DPH1: variants seen among roughly 807,000 people sequenced by gnomAD.
The protein encoded by DPH1 is diphthamide biosynthesis 1, also known as 2-(3-amino-3-carboxypropyl)histidine synthase subunit 1.
In DPH1, 59 loss-of-function variants were observed where a neutral mutation model predicts 55.3. That is an observed-to-expected ratio of 1.07 (90% confidence interval 0.87 to 1.33). The LOEUF (loss-of-function observed/expected upper bound fraction) is 1.33, where lower values mean the gene tolerates loss of function less well. Ranked by LOEUF, DPH1 falls within the 40% of genes most tolerant of loss-of-function variation. The pLI, the probability that DPH1 is intolerant of heterozygous loss-of-function variation, is 0.00. For missense variants in DPH1, 628 were observed against 584.8 expected, an observed-to-expected ratio of 1.07 and a Z score of -0.76; for synonymous variants, 238 against 235.5, an observed-to-expected ratio of 1.01 and a Z score of -0.10.
rs1234129406 is a variant in DPH1 at position 2,036,391 on chromosome 17, G to A, written c.401-138G>A. On this transcript the variant is annotated intron_variant, in intron 4 of 12. Coordinates refer to ENST00000263083, the MANE Select transcript of DPH1 (RefSeq NM_001383.6). This position sits in a 1 kb window ranked among gnomAD's most constrained non-coding sequence, Gnocchi z 4.8. ...GAGAAGGAGCTTCTAGGGGATCTGT[G>A]ACCCCCCTCTTCTCCTACCCTGTCC... 8.3e-7 allele frequency: 1 copy of A among 1,201,520 alleles called. No individual in the cohort carries two copies. The highest frequency in any genetic ancestry group is 1.5e-5 in the African/African-American group (1 of 65,622). The allele number at this position is 1,201,520 out of a possible 1,614,324, so 74.4% of individuals were successfully genotyped here.
Position 2,036,186 on chromosome 17 carries a change from T to C in DPH1, c.400+95T>C, listed in dbSNP as rs1189031491. 2.6e-6 allele frequency: 4 copies of C among 1,534,884 alleles called. No individual in the cohort carries two copies. Among genetic ancestry groups the C allele is most frequent in the Non-Finnish European group, 3.5e-6 (4 of 1,139,222 alleles). On this transcript the variant is annotated intron_variant, in intron 4 of 12. Transcript: ENST00000263083. This position sits in a 1 kb window ranked among gnomAD's most constrained non-coding sequence, Gnocchi z 4.8. Reference sequence around the variant, plus strand: ...CCATGGCAGTGCCTTCTTGTCCTGCTTGGAGACACAAGGTCCCTCCTGGTT... The same window carrying C: ...CCATGGCAGTGCCTTCTTGTCCTGCCTGGAGACACAAGGTCCCTCCTGGTT...
chr17:2,042,935 T>G lies in DPH1; in HGVS notation c.*349T>G. On this transcript the variant is annotated 3_prime_UTR_variant, in exon 13 of 13. Coordinates refer to ENST00000263083, the MANE Select transcript of DPH1 (RefSeq NM_001383.6). ...CAAAGGCCCTTGTCATTGCCTTCGC[T>G]CCATGTTTTTGGGGACACTGACAAA... 1 of 1,614,112 alleles carries G rather than the reference T, an allele frequency of 6.2e-7. No homozygotes were observed. Among genetic ancestry groups the G allele is most frequent in the South Asian group, 1.1e-5 (1 of 91,084 alleles).
At chr17:2,040,863 T>A in intron 9 of DPH1, 1 of 626,228 alleles carries the variant, frequency 1.6e-6, no homozygotes, top group Non-Finnish European at 2.8e-6. Context: ...AGGTACTAAA[T>A]GTGGTTCTGG....
At position 2,043,138 on chromosome 17, in the gene DPH1, C is replaced by A; in HGVS notation, c.*552C>A. 1 of 1,598,894 alleles carries A rather than the reference C, an allele frequency of 6.3e-7. No homozygotes were observed. Among genetic ancestry groups the A allele is most frequent in the Non-Finnish European group, 8.5e-7 (1 of 1,173,096 alleles). On this transcript the variant is annotated 3_prime_UTR_variant, in exon 13 of 13. Coordinates refer to ENST00000263083, the MANE Select transcript of DPH1 (RefSeq NM_001383.6). ...GAAATGTCTCTGCTCCTACATCCAG[C>A]TCCTCTAGGGGCAGCCTCCGTCATC...
At chr17:2,033,908 G>T in intron 3 of DPH1, 66 bp downstream of exon 3, 4 of 1,585,458 alleles carry the variant, frequency 2.5e-6, no homozygotes, top group Non-Finnish European at 2.6e-6. Flanking sequence ...CTCATTACCC[G>T]GGTGGGTAAA....
chr17:2,039,646 G>C (rs186219366), intron 6 of DPH1, 109 bp from the exon 7 acceptor site: 17,163 of 1,336,912 alleles, frequency 0.013, 130 homozygotes, highest in Non-Finnish European at 0.015. Flanking sequence ...CAAAGTGCTG[G>C]GATTACAGGC....
At chr17:2,042,065 C>A (rs757918340) in intron 12 of DPH1, 190 bp downstream of exon 12, 5 of 1,546,634 alleles carry the variant, frequency 3.2e-6, no homozygotes, top group Non-Finnish European at 4.3e-6. Flanking sequence ...CGCAGCGACC[C>A]CTGCGGGTCC....
At chr17:2,042,239 A>G (rs1294696529) in intron 12 of DPH1, 5 of 1,415,862 alleles carry the variant, frequency 3.5e-6, no homozygotes, top group South Asian at 1.5e-5. Flanking sequence ...TCGGTGAGAC[A>G]AGCCCCGCTC....
chr17:2,033,942 C>G (rs1468790876), intron 3 of DPH1, 100 bp downstream of exon 3: 1 of 1,364,954 alleles, frequency 7.3e-7, no homozygotes, highest in Non-Finnish European at 1.0e-6. Flanking sequence ...GCATTTTTTC[C>G]TTCTGAACCT....
In DPH1 at chr17:2,039,712, C is replaced by T. The variant is rs756869528; in HGVS notation, c.681-43C>T. The T allele has an allele frequency of 2.5e-6, 4 of 1,613,348 alleles. No individual in the cohort carries two copies. The African/African-American group carries it at 5.3e-5, about 22-fold the overall frequency. ...ACTTCTAAGCCAGCGAGTGCCTCTT[C>T]TGCTGCCCTAAACCACACTTAGCCT... On this transcript the variant is annotated intron_variant, in intron 6 of 12. Coordinates refer to ENST00000263083, the MANE Select transcript of DPH1 (RefSeq NM_001383.6).
At chr17:2,040,809 C>A in intron 9 of DPH1, 1 of 648,494 alleles carries the variant, frequency 1.5e-6, no homozygotes, top group Non-Finnish European at 2.7e-6. Flanking sequence ...CACATTTGTC[C>A]TTGTGAGATG....
At chr17:2,035,424 CGGACGAGAGGGCCCTGCCTGTGGTGGGG>C (rs2067401673) in intron 3 of DPH1, among the ~76,000 whole-genome samples, 1 of 126,002 alleles carries the variant, frequency 7.9e-6, no homozygotes, top group African/African-American at 3.2e-5. Context: ...AGTGGGGGTC[CGGACGAGAGGGCCCTGCCTGTGGTGGGG>C]AGGTAGTGGG....
At position 2,041,126 on chromosome 17, in the gene DPH1, G is replaced by T; in HGVS notation, c.1031G>T (p.Arg344Leu). 6.2e-7 allele frequency: 1 copy of T among 1,604,764 alleles called. No homozygotes were observed. The highest frequency in any genetic ancestry group is 1.7e-4 in the Middle Eastern group (1 of 6,058). Residue 344 changes from arginine to leucine, a missense_variant, in exon 10 of 13, where the codon CGT becomes CTT. Transcript: ENST00000263083. ...VDVWVQVACP[R>L]LSIDWGTAFP... ...AGGTGGGTGCAGGTGGCATGTCCAC[G>T]TCTCTCCATTGACTGGGGCACAGCC... is the stretch of plus-strand genomic sequence containing the variant.
rs967837842 is a variant in DPH1 at position 2,042,983 on chromosome 17, T to C, written c.*397T>C. The C allele has an allele frequency of 6.2e-7, 1 of 1,614,116 alleles. No individual in the cohort carries two copies. Among genetic ancestry groups the C allele is most frequent in the South Asian group, 1.1e-5 (1 of 91,090 alleles). On this transcript the variant is annotated 3_prime_UTR_variant, in exon 13 of 13. Transcript: ENST00000263083. Reference sequence around the variant, plus strand: ...AAAGTCATCCCCTCTCAGGAGAGTGTGCAACTGGCCAGCCAATTTCCCGGA... The same window carrying C: ...AAAGTCATCCCCTCTCAGGAGAGTGCGCAACTGGCCAGCCAATTTCCCGGA...
chr17:2,039,837 CGGGCTGGGCT>C lies in DPH1; in HGVS notation c.749+16_749+25del, dbSNP rs1567547092. 4.3e-6 allele frequency: 7 copies of C among 1,613,922 alleles called. No homozygotes were observed. The highest frequency in any genetic ancestry group is 5.9e-6 in the Non-Finnish European group (7 of 1,179,988). ...CCCCGCTTACCGGTATGGGCTGGGC[CGGGCTGGGCT>C]GACCAGCTGGTGAGGGGTGAGATTC... On this transcript the variant is annotated intron_variant, in intron 7 of 12. Coordinates refer to ENST00000263083, the MANE Select transcript of DPH1 (RefSeq NM_001383.6).
chr17:2,031,841 G>C (rs544188224), intron 1 of DPH1, among the ~76,000 whole-genome samples: 1 of 152,212 alleles, frequency 6.6e-6, no homozygotes, highest in South Asian at 2.1e-4. Context: ...TAAGGGCTAC[G>C]GTTTCCCCTT....
In DPH1 at chr17:2,036,697, C is replaced by T. The variant is rs1035013240; in HGVS notation, c.558+11C>T. The stretch of plus-strand genomic sequence containing the variant: ...GTGTCGACCTTGCAGGTGGGTGGAA[C>T]GAGGATCCTCGGCCTCCTGCAGGGT... On this transcript the variant is annotated intron_variant, in intron 5 of 12. Transcript: ENST00000263083. The surrounding 1 kb of genome is among the most constrained non-coding windows in gnomAD (Gnocchi z 4.8). The T allele has an allele frequency of 7.4e-6, 12 of 1,613,662 alleles. No individual in the cohort carries two copies. The highest frequency in any genetic ancestry group is 2.2e-5 in the East Asian group (1 of 44,892).
intron 1 of DPH1, 147 bp downstream of exon 1, chr17:2,030,377 C>T: frequency 9.8e-7 from 1 of 1,016,820 alleles, no homozygotes; most frequent in Admixed American, 3.0e-5. Context: ...GTCACCAGCT[C>T]GGGGTCGCTG....
intron 6 of DPH1, among the ~76,000 whole-genome samples, chr17:2,038,620 A>G (rs749900483): frequency 5.3e-5 from 8 of 152,132 alleles, no homozygotes; most frequent in Non-Finnish European, 1.2e-4. Context: ...AGGTTGCATG[A>G]TCTTTATGAG....
Sources: allele counts gnomAD v4.1 joint callset (sites outside exome capture counted in the v4.1 genomes callset), GRCh38; gene constraint gnomAD v4.1.1; non-coding constraint Gnocchi (gnomAD v3.1); transcripts MANE v1.5; gene names NCBI Gene and HGNC (gene_info 2026-07-23, HGNC 2026-07-21).